The following ABI1 variants were observed in gnomAD, a reference collection of about 807,000 sequenced individuals.
ABI1 encodes the protein abl interactor 1.
Under a neutral mutation model 54.6 loss-of-function variants are expected in ABI1, and 14 were observed. That is an observed-to-expected ratio of 0.26 (90% confidence interval 0.17 to 0.40). The LOEUF is 0.40. Ranked by LOEUF, ABI1 falls within the 10% of genes least tolerant of loss-of-function variation. The pLI, the probability that ABI1 is intolerant of heterozygous loss-of-function variation, is 1.00. For missense variants in ABI1, 443 were observed against 598.3 expected (o/e 0.74, Z 2.71); for synonymous variants, 194 against 209.3 (o/e 0.93, Z 0.63).
intron 2 of ABI1, among the ~76,000 whole-genome samples, chr10:26,780,954 G>C (rs1421027602): frequency 6.6e-6 from 1 of 152,188 alleles, no homozygotes; most frequent in Admixed American, 6.5e-5. Context: ...TGAGTGTATA[G>C]TGGTATTGAT....
intron 2 of ABI1, among the ~76,000 whole-genome samples, chr10:26,796,718 T>C (rs573635548): frequency 3.9e-5 from 6 of 152,368 alleles, no homozygotes; most frequent in South Asian, 4.1e-4. Context: ...TGCTTCACTA[T>C]AGTAACTAAT....
chr10:26,860,794 G>C lies in ABI1; in HGVS notation c.70C>G (p.Gln24Glu). ...SGKRALIESY[Q>E]NLTRVADYCE... ...TAGTCTGCCACCCGAGTCAGGTTCT[G>C]GTAACTCTCGATCAGCGCCCTCTTG... Residue 24 changes from glutamine to glutamate, a missense_variant, in exon 1 of 11, where the codon CAG (glutamine) becomes GAG (glutamate). Gln to Glu is a conservative substitution (Grantham distance 29, BLOSUM62 2). This residue lies in a region of ABI1 where 394 missense variants were observed against 484.8 expected (regional missense o/e 0.81). Transcript: ENST00000376140. The surrounding 1 kb of genome is among the most constrained non-coding windows in gnomAD (Gnocchi z 4.1). The C allele has an allele frequency of 1.9e-6, 3 of 1,614,140 alleles. No homozygotes were observed. Among genetic ancestry groups the C allele is most frequent in the Non-Finnish European group, 2.5e-6 (3 of 1,180,028 alleles).
chr10:26,757,223 T>A (rs761066737), intron 8 of ABI1, among the ~76,000 whole-genome samples: 1 of 152,076 alleles, frequency 6.6e-6, no homozygotes, highest in Non-Finnish European at 1.5e-5. Flanking sequence ...CTACTACTAC[T>A]ACAACACCAA....
At chr10:26,772,302 C>G (rs181449994) in intron 3 of ABI1, among the ~76,000 whole-genome samples, 334 of 151,970 alleles carry the variant, frequency 2.2e-3, no homozygotes, top group Non-Finnish European at 4.0e-3. Context: ...ACTTCAGTAT[C>G]TGTATTATGA....
chr10:26,860,900 G>C lies in ABI1; in HGVS notation c.-37C>G. On this transcript the variant is annotated 5_prime_UTR_variant, in exon 1 of 11. Transcript: ENST00000376140. The surrounding 1 kb of genome is among the most constrained non-coding windows in gnomAD (Gnocchi z 4.1). ...CTGCATCGCTTCCTCTCGCGTTAAA[G>C]AGACAGAGGCAGCAAGGTCCGCCGA... 1 of 1,592,476 alleles carries C rather than the reference G, an allele frequency of 6.3e-7. No individual in the cohort carries two copies. The highest frequency in any genetic ancestry group is 2.2e-5 in the East Asian group (1 of 44,780).
At chr10:26,847,195 C>T (rs1365459630) in intron 1 of ABI1, among the ~76,000 whole-genome samples, 1 of 152,174 alleles carries the variant, frequency 6.6e-6, no homozygotes, top group African/African-American at 2.4e-5. Context: ...ACTGTGCATT[C>T]CTTTTGGAAC....
intron 1 of ABI1, among the ~76,000 whole-genome samples, chr10:26,848,431 A>G (rs1282120331): frequency 6.6e-6 from 1 of 152,128 alleles, no homozygotes; most frequent in Non-Finnish European, 1.5e-5. Context: ...AAATAAATTC[A>G]TATCAACAAA....
rs1837151154 is a variant in ABI1 at position 26,748,201 on chromosome 10, A to G, written c.*369T>C. 8.7e-6 allele frequency: 2 copies of G among 230,132 alleles called. No homozygotes were observed. Among genetic ancestry groups the G allele is most frequent in the Non-Finnish European group, 1.7e-5 (2 of 116,678 alleles). 14.3% of individuals were successfully genotyped at this position (230,132 alleles called of 1,614,324 possible). Reference sequence around the variant, plus strand: ...CCAGCATTTAAATTTTCTGATTTTAATATTAGTCTGACATAGCGTTAGTAA... The same window carrying G: ...CCAGCATTTAAATTTTCTGATTTTAGTATTAGTCTGACATAGCGTTAGTAA... On this transcript the variant is annotated 3_prime_UTR_variant, in exon 11 of 11. Coordinates refer to ENST00000376140, the MANE Select transcript of ABI1 (RefSeq NM_001012750.3).
chr10:26,860,781 C>T lies in ABI1; in HGVS notation c.83G>A (p.Arg28Gln). The change falls in exon 1 of 11, where the codon CGG becomes CAG. Residue 28 changes from arginine (R) to glutamine (Q), a missense_variant. Transcript: ENST00000376140. This position sits in a 1 kb window ranked among gnomAD's most constrained non-coding sequence, Gnocchi z 4.1. ...ALIESYQNLT[R>Q]VADYCENNYI... Reference sequence around the variant, plus strand: ...GTTGTTTTCACAGTAGTCTGCCACCCGAGTCAGGTTCTGGTAACTCTCGAT... The same window carrying T: ...GTTGTTTTCACAGTAGTCTGCCACCTGAGTCAGGTTCTGGTAACTCTCGAT... The T allele has an allele frequency of 6.2e-7, 1 of 1,614,112 alleles. No individual in the cohort carries two copies. Among genetic ancestry groups the T allele is most frequent in the Non-Finnish European group, 8.5e-7 (1 of 1,180,008 alleles).
intron 2 of ABI1, among the ~76,000 whole-genome samples, chr10:26,814,154 C>A (rs2047411220): frequency 6.6e-6 from 1 of 152,170 alleles, no homozygotes. Context: ...TAGAAATAGA[C>A]TGGATGGGGC....
At chr10:26,853,204 C>T (rs1391596492) in intron 1 of ABI1, among the ~76,000 whole-genome samples, 28 of 134,908 alleles carry the variant, frequency 2.1e-4, no homozygotes, top group African/African-American at 7.5e-4. Flanking sequence ...CACTGCACTC[C>T]GGCCTGGGTG....
intron 1 of ABI1, chr10:26,839,665 A>ATAAT (rs1161206247): frequency 1.2e-3 from 718 of 606,548 alleles, no homozygotes; most frequent in South Asian, 2.3e-3. Context: ...AAAAAAAAAA[A>ATAAT]ACATGCCAGG....
intron 1 of ABI1, 150 bp from the exon 2 acceptor site, chr10:26,823,455 G>T: frequency 1.5e-6 from 1 of 668,294 alleles, no homozygotes; most frequent in Non-Finnish European, 2.2e-6. Context: ...GGATACTACT[G>T]AATTAAGCCA....
chr10:26,753,502 T>C (rs1837893298), intron 9 of ABI1, among the ~76,000 whole-genome samples: 1 of 152,236 alleles, frequency 6.6e-6, no homozygotes. Context: ...ACATGTCTTA[T>C]CTTCAAATTA....
Position 26,755,640 on chromosome 10 carries a change from T to TA in ABI1, c.1084+14_1084+15insT. The TA allele has an allele frequency of 6.2e-7, 1 of 1,601,744 alleles. No individual in the cohort carries two copies. The highest frequency in any genetic ancestry group is 8.6e-7 in the Non-Finnish European group (1 of 1,169,046). ...CAGCCTCTACTCTTCCATAGCTCAG[T>TA]TTTTCCAAACTTACTGTTTTCCTGC... is the stretch of plus-strand genomic sequence containing the variant. On this transcript the variant is annotated intron_variant, in intron 9 of 10. Transcript: ENST00000376140.
rs751123048 is a variant in ABI1 at position 26,759,189 on chromosome 10, C to T, written c.870G>A (p.Gln290=). The T allele has an allele frequency of 3.1e-6, 5 of 1,614,128 alleles. 1 individual carries two copies. In the South Asian group the frequency reaches 5.5e-5, roughly 18 times the overall value. Residue 290 remains glutamine, a synonymous_variant, in exon 8 of 11, where the codon CAG becomes CAA. Coordinates refer to ENST00000376140, the MANE Select transcript of ABI1 (RefSeq NM_001012750.3). ...AAGTAGTAGAGTTGTGTCGAGATAT[C>T]TGCCTGGTCATTGTGCCATACTGGG... ...PGSQYGTMTR[Q]ISRHNSTTSS... is the part of the protein sequence containing the mutation.
chr10:26,853,372 G>A (rs545821420), intron 1 of ABI1, among the ~76,000 whole-genome samples: 1 of 144,280 alleles, frequency 6.9e-6, no homozygotes, highest in Non-Finnish European at 1.5e-5. Flanking sequence ...TACAAAGTTT[G>A]TAGTTCTGGG....
In ABI1 at chr10:26,748,153, T is replaced by C. The variant is rs906018889; in HGVS notation, c.*417A>G. 4.5e-6 allele frequency: 1 copy of C among 220,428 alleles called. No homozygotes were observed. Among genetic ancestry groups the C allele is most frequent in the Non-Finnish European group, 9.1e-6 (1 of 110,182 alleles). 13.7% of individuals were successfully genotyped at this position (220,428 alleles called of 1,614,324 possible). Reference sequence around the variant, plus strand: ...AGTATTTTTTTTAAATGAGAGAATCTAACAAAAAAAGTCTGACCAGCACCA... The same window carrying C: ...AGTATTTTTTTTAAATGAGAGAATCCAACAAAAAAAGTCTGACCAGCACCA... On this transcript the variant is annotated 3_prime_UTR_variant, in exon 11 of 11. Transcript: ENST00000376140.
chr10:26,770,139 CATAG>C (rs911065424), intron 5 of ABI1, 102 bp downstream of exon 5: 69 of 840,916 alleles, frequency 8.2e-5, no homozygotes, highest in Non-Finnish European at 1.3e-4. Context: ...GGTAGCGTCA[CATAG>C]AGAGGGTAGT....
Sources: gnomAD v4.1 joint callset for allele counts (sites outside exome capture counted in the v4.1 genomes callset) on GRCh38, gnomAD v4.1.1 for gene constraint, gnomAD v4.1.1 regional missense constraint, Gnocchi (gnomAD v3.1) non-coding constraint, MANE v1.5 for transcripts, NCBI Gene and HGNC (gene_info 2026-07-23, HGNC 2026-07-21) for gene names.